Variants in CSTPP1 observed in about 807,000 individuals in gnomAD.
The protein encoded by CSTPP1 is centriolar satellite-associated tubulin polyglutamylase complex regulator 1.
the CSTPP1 span, chr11:47,041,296 T>C: frequency 3.8e-6 from 1 of 266,256 alleles, no homozygotes; most frequent in Non-Finnish European, 7.9e-6. Flanking sequence ...AGTCACTCTG[T>C]CTCATACAGG....
chr11:46,960,429 G>A, the CSTPP1 span, among the ~76,000 whole-genome samples: 413 of 152,016 alleles, frequency 2.7e-3, 1 homozygote, highest in Non-Finnish European at 4.1e-3. Flanking sequence ...TACTTTCCCC[G>A]CAACCCCTGG....
the CSTPP1 span, among the ~76,000 whole-genome samples, chr11:47,126,742 A>G: frequency 1.3e-5 from 2 of 151,988 alleles, no homozygotes; most frequent in Non-Finnish European, 2.9e-5. Context: ...GACCAGCCTG[A>G]GCAATATGGC....
the CSTPP1 span, among the ~76,000 whole-genome samples, chr11:47,110,736 G>A: frequency 6.6e-6 from 1 of 152,036 alleles, no homozygotes; most frequent in Non-Finnish European, 1.5e-5. Context: ...TCTTCATCTA[G>A]CCTTTATTAT....
the CSTPP1 span, chr11:47,157,233 T>TGCAGCCC: frequency 1.3e-6 from 2 of 1,547,216 alleles, no homozygotes; most frequent in Non-Finnish European, 8.7e-7. Context: ...GGAACGGGCA[T>TGCAGCCC]GCAGCCCCCA....
chr11:47,130,255 C>CA, the CSTPP1 span, among the ~76,000 whole-genome samples: 1,814 of 109,882 alleles, frequency 0.017, 22 homozygotes, highest in African/African-American at 0.048. Context: ...GACTCTGTCT[C>CA]AAAAAAAAAA....
the CSTPP1 span, chr11:46,987,368 G>A: frequency 7.2e-7 from 1 of 1,397,548 alleles, no homozygotes; most frequent in Non-Finnish European, 1.0e-6. Context: ...TTGGAAGCAG[G>A]CAGGATACTT....
chr11:46,991,007 C>G, the CSTPP1 span, among the ~76,000 whole-genome samples: 1 of 151,996 alleles, frequency 6.6e-6, no homozygotes. Context: ...TGTACCGGTA[C>G]CATGCAAAAC....
the CSTPP1 span, chr11:47,108,907 A>G: frequency 1.3e-5 from 2 of 151,936 alleles, no homozygotes; most frequent in Admixed American, 1.3e-4. Context: ...GGGTTTCACC[A>G]TGTTGGTCAG....
the CSTPP1 span, chr11:47,158,069 G>A: frequency 1.2e-5 from 8 of 685,340 alleles, no homozygotes; most frequent in Admixed American, 2.1e-4. Flanking sequence ...CCAGGGAGCA[G>A]GAATATGGCG....
chr11:46,991,105 G>T, the CSTPP1 span, among the ~76,000 whole-genome samples: 325 of 151,728 alleles, frequency 2.1e-3, no homozygotes, highest in African/African-American at 7.6e-3. Flanking sequence ...TTTTCTTCTG[G>T]TTTTTGGGAA....
the CSTPP1 span, among the ~76,000 whole-genome samples, chr11:47,116,675 GTTTTTTTTTT>G: frequency 1.2e-5 from 1 of 83,908 alleles, no homozygotes; most frequent in African/African-American, 4.9e-5. Flanking sequence ...TGCTTGGTAG[GTTTTTTTTTT>G]TTTTTTTTTT....
At chr11:47,116,813 G>A in the CSTPP1 span, among the ~76,000 whole-genome samples, 1 of 151,406 alleles carries the variant, frequency 6.6e-6, no homozygotes, top group Non-Finnish European at 1.5e-5. Context: ...CCGAGTAGCT[G>A]GGACTACAGG....
chr11:47,055,485 T>C, the CSTPP1 span, among the ~76,000 whole-genome samples: 1 of 152,038 alleles, frequency 6.6e-6, no homozygotes, highest in African/African-American at 2.4e-5. Context: ...TACGAAACTG[T>C]AACTTTTCTA....
At chr11:47,031,174 T>C in the CSTPP1 span, among the ~76,000 whole-genome samples, 3 of 152,250 alleles carry the variant, frequency 2.0e-5, no homozygotes, top group African/African-American at 4.8e-5. Flanking sequence ...ATTGACATCA[T>C]ACATAAATTC....
chr11:47,037,432 A>G, the CSTPP1 span, among the ~76,000 whole-genome samples: 3 of 118,116 alleles, frequency 2.5e-5, 1 homozygote, highest in African/African-American at 7.7e-5. Flanking sequence ...TGTTTCTCGC[A>G]GAGGGGGATT....
chr11:46,980,343 G>T, the CSTPP1 span, among the ~76,000 whole-genome samples: 1 of 152,162 alleles, frequency 6.6e-6, no homozygotes, highest in Non-Finnish European at 1.5e-5. Context: ...GTGTCTTTTA[G>T]TATTTGAGTT....
At chr11:47,038,131 G>C in the CSTPP1 span, among the ~76,000 whole-genome samples, 1 of 8,240 alleles carries the variant, frequency 1.2e-4, no homozygotes, top group African/African-American at 2.4e-4. Context: ...TCCCGGATGG[G>C]GCGGCTGGCC....
the CSTPP1 span, among the ~76,000 whole-genome samples, chr11:47,133,023 T>G: frequency 2.6e-5 from 4 of 152,236 alleles, no homozygotes; most frequent in African/African-American, 9.6e-5. Flanking sequence ...ATAACAACTC[T>G]GCAATGTTCA....
the CSTPP1 span, among the ~76,000 whole-genome samples, chr11:47,020,821 G>A: frequency 2.6e-5 from 4 of 152,176 alleles, no homozygotes; most frequent in Non-Finnish European, 5.9e-5. Flanking sequence ...AGTGTTTGGG[G>A]TGATGGGTAA....
Sources: allele counts gnomAD v4.1 joint callset (sites outside exome capture counted in the v4.1 genomes callset), GRCh38; gene constraint gnomAD v4.1.1; transcripts MANE v1.5; gene names NCBI Gene and HGNC (gene_info 2026-07-23, HGNC 2026-07-21).